The following ELP4 variants were observed in gnomAD, a reference collection of about 807,000 sequenced individuals.
The protein encoded by ELP4 is elongator complex protein 4.
ELP4 carries 51 observed loss-of-function variants against 48.9 expected under a neutral mutation model. That is an observed-to-expected ratio of 1.04 (90% CI 0.83 to 1.32). The LOEUF is 1.32. ELP4 is among the 40% of genes most tolerant of loss of function. The pLI, the probability that ELP4 is intolerant of heterozygous loss-of-function variation, is 0.00. For missense variants in ELP4, 519 were observed against 514.6 expected, an observed-to-expected ratio of 1.01 and a Z score of -0.08; for synonymous variants, 210 against 189.2, an observed-to-expected ratio of 1.11 and a Z score of -0.90.
intron 2 of ELP4, among the ~76,000 whole-genome samples, chr11:31,522,510 T>G (rs781623370): frequency 8.5e-5 from 13 of 152,232 alleles, no homozygotes; most frequent in Non-Finnish European, 1.5e-4. Context: ...TAGGATTTGA[T>G]TATATAGATG....
At chr11:31,548,604 A>C (rs900955587) in intron 3 of ELP4, among the ~76,000 whole-genome samples, 1 of 152,188 alleles carries the variant, frequency 6.6e-6, no homozygotes, top group South Asian at 2.1e-4. Context: ...CAAGCTACCA[A>C]TGACTTTCTT....
chr11:31,619,653 G>GT (rs1205414529), intron 5 of ELP4, among the ~76,000 whole-genome samples: 1 of 137,022 alleles, frequency 7.3e-6, no homozygotes, highest in African/African-American at 3.0e-5. Flanking sequence ...TTTCACCTCT[G>GT]TTTTTTATTG....
intron 9 of ELP4, among the ~76,000 whole-genome samples, chr11:31,675,164 G>A (rs892319983): frequency 6.6e-6 from 1 of 152,170 alleles, no homozygotes; most frequent in African/African-American, 2.4e-5. Context: ...GAAGTGAAGA[G>A]TTAAGGGCAG....
chr11:31,738,850 T>C (rs1947382581), intron 9 of ELP4, among the ~76,000 whole-genome samples: 1 of 152,146 alleles, frequency 6.6e-6, no homozygotes, highest in African/African-American at 2.4e-5. Context: ...TGATTCTACA[T>C]ATATGAGCAT....
chr11:31,555,069 A>G (rs1956908706), intron 3 of ELP4, among the ~76,000 whole-genome samples: 1 of 152,192 alleles, frequency 6.6e-6, no homozygotes, highest in African/African-American at 2.4e-5. Flanking sequence ...TGTATGCTAA[A>G]TAATCTACAA....
At chr11:31,656,034 T>G (rs1163138026) in intron 9 of ELP4, among the ~76,000 whole-genome samples, 3 of 152,140 alleles carry the variant, frequency 2.0e-5, no homozygotes, top group African/African-American at 7.2e-5. Context: ...ATTAAGCACT[T>G]TGGAAGAAAA....
intron 5 of ELP4, among the ~76,000 whole-genome samples, chr11:31,622,749 G>A (rs534435359): frequency 1.3e-5 from 2 of 151,590 alleles, no homozygotes; most frequent in South Asian, 4.2e-4. Context: ...TAAAAAATAT[G>A]AAACTTGGTC....
chr11:31,644,062 T>G (rs971163479), intron 7 of ELP4, among the ~76,000 whole-genome samples: 20 of 151,776 alleles, frequency 1.3e-4, no homozygotes, highest in African/African-American at 4.3e-4. Flanking sequence ...GCTTCCCTCC[T>G]AGTCATGTCT....
chr11:31,608,902 CAG>C (rs774811824), intron 5 of ELP4, among the ~76,000 whole-genome samples: 2 of 152,122 alleles, frequency 1.3e-5, no homozygotes, highest in Non-Finnish European at 2.9e-5. Context: ...CTGCTATTAG[CAG>C]AGTTACCCTG....
intron 9 of ELP4, among the ~76,000 whole-genome samples, chr11:31,675,126 T>C (rs1335355633): frequency 6.6e-6 from 1 of 152,132 alleles, no homozygotes; most frequent in Non-Finnish European, 1.5e-5. Context: ...TATACATTCT[T>C]AGCATGTAGG....
At chr11:31,609,929 C>G (rs1957945963) in intron 5 of ELP4, among the ~76,000 whole-genome samples, 1 of 151,714 alleles carries the variant, frequency 6.6e-6, no homozygotes, top group Non-Finnish European at 1.5e-5. Flanking sequence ...TGCTGTAATC[C>G]CAGTTACTCA....
At position 31,785,670 on chromosome 11, in the gene ELP4, G is replaced by A. The variant is rs1000896224; in HGVS notation, c.*2146G>A. The A allele has an allele frequency of 2.6e-5, 5 of 194,824 alleles. No homozygotes were observed. The highest frequency in any genetic ancestry group is 9.3e-5 in the African/African-American group (4 of 43,170). 12.1% of individuals were successfully genotyped at this position (194,824 alleles called of 1,614,324 possible). Reference sequence around the variant, plus strand: ...TGTAAAAATAAGCTACTGGAGAGGGGTGTGTATTTTTGTCTTCCTCTGATA... The same window carrying A: ...TGTAAAAATAAGCTACTGGAGAGGGATGTGTATTTTTGTCTTCCTCTGATA... On this transcript the variant is annotated 3_prime_UTR_variant, in exon 10 of 10. Coordinates refer to ENST00000640961, the MANE Select transcript of ELP4 (RefSeq NM_019040.5).
intron 1 of ELP4, among the ~76,000 whole-genome samples, chr11:31,513,106 T>G (rs977890973): frequency 1.3e-5 from 2 of 152,124 alleles, no homozygotes; most frequent in African/African-American, 4.8e-5. Context: ...TATGTTAATG[T>G]GTAGCATGGG....
chr11:31,709,011 A>G (rs1946688029), intron 9 of ELP4, among the ~76,000 whole-genome samples: 1 of 152,124 alleles, frequency 6.6e-6, no homozygotes. Context: ...TCTGAAATCT[A>G]ACTGTAATTC....
At chr11:31,684,507 C>T (rs947243080) in intron 9 of ELP4, among the ~76,000 whole-genome samples, 2 of 151,890 alleles carry the variant, frequency 1.3e-5, no homozygotes, top group African/African-American at 4.8e-5. Context: ...GCACCCAGCC[C>T]CAAAAAATAA....
intron 3 of ELP4, among the ~76,000 whole-genome samples, chr11:31,544,251 G>T (rs1956649790): frequency 6.6e-6 from 1 of 152,236 alleles, no homozygotes; most frequent in Non-Finnish European, 1.5e-5. Context: ...CCTAGTCAAA[G>T]AAAGGGGTGA....
At chr11:31,563,259 A>G (rs1032360383) in intron 3 of ELP4, among the ~76,000 whole-genome samples, 2 of 152,136 alleles carry the variant, frequency 1.3e-5, no homozygotes, top group African/African-American at 2.4e-5. Flanking sequence ...TATGATGCCC[A>G]TAGTTGGTGT....
intron 9 of ELP4, among the ~76,000 whole-genome samples, chr11:31,678,515 G>A (rs986480375): frequency 2.2e-4 from 30 of 133,348 alleles, no homozygotes; most frequent in Non-Finnish European, 4.1e-4. Flanking sequence ...GTGTGTGTGT[G>A]TGTGTGTGTG....
intron 9 of ELP4, among the ~76,000 whole-genome samples, chr11:31,675,507 C>T (rs995071658): frequency 8.6e-5 from 13 of 151,958 alleles, no homozygotes; most frequent in Admixed American, 2.0e-4. Context: ...GTGATCCGCC[C>T]GCCTCGGCCT....
Sources: gnomAD v4.1 joint callset for allele counts (sites outside exome capture counted in the v4.1 genomes callset) on GRCh38, gnomAD v4.1.1 for gene constraint, MANE v1.5 for transcripts, NCBI Gene and HGNC (gene_info 2026-07-23, HGNC 2026-07-21) for gene names.